KCTD8: variants seen among roughly 807,000 people sequenced by gnomAD.
KCTD8 encodes BTB/POZ domain-containing protein KCTD8.
A neutral mutation model predicts 31.5 loss-of-function variants in KCTD8; 27 were observed. The ratio of observed to expected loss-of-function variants is 0.86; its 90% CI spans 0.63 to 1.18. The LOEUF (loss-of-function observed/expected upper bound fraction) is 1.18, where lower values mean the gene tolerates loss of function less well. KCTD8 is among the 50% of genes most tolerant of loss of function. The pLI, the probability that KCTD8 is intolerant of heterozygous loss-of-function variation, is 0.00. For synonymous variants in KCTD8, 290 were observed against 280.0 expected, an observed-to-expected ratio of 1.04 and a Z score of -0.36; for missense variants, 658 against 647.7, an observed-to-expected ratio of 1.02 and a Z score of -0.17.
intron 1 of KCTD8, among the ~76,000 whole-genome samples, chr4:44,183,506 G>T (rs1713489314): frequency 1.3e-5 from 2 of 152,020 alleles, no homozygotes; most frequent in Non-Finnish European, 2.9e-5. Context: ...CAGCAAAACA[G>T]GGCTTTTGAT....
chr4:44,198,066 A>T (rs1713999216), intron 1 of KCTD8, among the ~76,000 whole-genome samples: 1 of 152,200 alleles, frequency 6.6e-6, no homozygotes, highest in African/African-American at 2.4e-5. Flanking sequence ...GAGCTCAAAG[A>T]CTGGTTCTTC....
intron 1 of KCTD8, among the ~76,000 whole-genome samples, chr4:44,371,479 T>C (rs2109436655): frequency 6.6e-6 from 1 of 152,240 alleles, no homozygotes; most frequent in Middle Eastern, 3.4e-3. Context: ...CAGAGTAATG[T>C]CCAATAAGTG....
intron 1 of KCTD8, among the ~76,000 whole-genome samples, chr4:44,236,408 A>T (rs1294298233): frequency 6.6e-6 from 1 of 152,152 alleles, no homozygotes; most frequent in South Asian, 2.1e-4. Flanking sequence ...AAAAGCAACA[A>T]GAGTCAGATG....
chr4:44,427,490 C>A (rs1397922870), intron 1 of KCTD8, among the ~76,000 whole-genome samples: 1 of 143,124 alleles, frequency 7.0e-6, no homozygotes. Context: ...AATTAACAGG[C>A]AAACTATTGA....
intron 1 of KCTD8, among the ~76,000 whole-genome samples, chr4:44,191,390 T>C (rs1260550319): frequency 2.0e-5 from 3 of 152,172 alleles, no homozygotes; most frequent in African/African-American, 7.2e-5. Flanking sequence ...ACAACGATTT[T>C]AAGGAACAAG....
intron 1 of KCTD8, among the ~76,000 whole-genome samples, chr4:44,242,993 C>G (rs1430534495): frequency 6.6e-6 from 1 of 152,182 alleles, no homozygotes; most frequent in East Asian, 1.9e-4. Context: ...CCTTACAAAG[C>G]ACCCAGCCTC....
intron 1 of KCTD8, among the ~76,000 whole-genome samples, chr4:44,444,372 A>T (rs1721887830): frequency 6.6e-6 from 1 of 152,208 alleles, no homozygotes; most frequent in Admixed American, 6.5e-5. Context: ...TCAAAGAAAG[A>T]AATTAGTTAT....
At chr4:44,215,532 A>C (rs1714623090) in intron 1 of KCTD8, among the ~76,000 whole-genome samples, 1 of 152,164 alleles carries the variant, frequency 6.6e-6, no homozygotes, top group Non-Finnish European at 1.5e-5. Context: ...AAGGCATTTA[A>C]ATTTCACATT....
intron 1 of KCTD8, among the ~76,000 whole-genome samples, chr4:44,248,127 C>T (rs897902022): frequency 6.6e-6 from 1 of 151,868 alleles, no homozygotes; most frequent in African/African-American, 2.4e-5. Flanking sequence ...CAATAATTTT[C>T]ATATGCTCTT....
chr4:44,188,137 T>C (rs778588192), intron 1 of KCTD8, among the ~76,000 whole-genome samples: 1 of 152,210 alleles, frequency 6.6e-6, no homozygotes, highest in Non-Finnish European at 1.5e-5. Flanking sequence ...TGCCAATAAA[T>C]GTTTTCAAGT....
At chr4:44,257,368 A>G (rs1716019773) in intron 1 of KCTD8, among the ~76,000 whole-genome samples, 1 of 152,032 alleles carries the variant, frequency 6.6e-6, no homozygotes, top group African/African-American at 2.4e-5. Flanking sequence ...GTTAATCGAA[A>G]ATATTAACTA....
At chr4:44,355,522 GCA>G (rs1719320683) in intron 1 of KCTD8, among the ~76,000 whole-genome samples, 1 of 152,078 alleles carries the variant, frequency 6.6e-6, no homozygotes, top group South Asian at 2.1e-4. Flanking sequence ...GTAGTTTTAT[GCA>G]TAATTTTAAA....
chr4:44,214,330 A>C (rs1714582777), intron 1 of KCTD8, among the ~76,000 whole-genome samples: 1 of 152,170 alleles, frequency 6.6e-6, no homozygotes, highest in Non-Finnish European at 1.5e-5. Context: ...TAAACTCTTT[A>C]GCTCCTGCTT....
At chr4:44,275,379 G>A (rs555092294) in intron 1 of KCTD8, among the ~76,000 whole-genome samples, 5 of 150,782 alleles carry the variant, frequency 3.3e-5, no homozygotes, top group Admixed American at 2.7e-4. Context: ...TGTCCCTCCC[G>A]CCCTCTCTCC....
chr4:44,197,324 C>T (rs965014347), intron 1 of KCTD8, among the ~76,000 whole-genome samples: 4 of 152,078 alleles, frequency 2.6e-5, no homozygotes, highest in African/African-American at 7.2e-5. Context: ...CTGGCCCCTG[C>T]CTGAGGGAGC....
At chr4:44,373,211 A>C (rs532969937) in intron 1 of KCTD8, among the ~76,000 whole-genome samples, 7 of 152,102 alleles carry the variant, frequency 4.6e-5, no homozygotes, top group Non-Finnish European at 1.0e-4. Context: ...AAATACAAAA[A>C]TTAGCCAGGT....
chr4:44,273,164 A>T (rs2109373745), intron 1 of KCTD8, among the ~76,000 whole-genome samples: 1 of 152,178 alleles, frequency 6.6e-6, no homozygotes, highest in South Asian at 2.1e-4. Flanking sequence ...AGTAAAAAAA[A>T]TCAAACATTG....
chr4:44,247,940 A>AGAAC (rs1323976509), intron 1 of KCTD8, among the ~76,000 whole-genome samples: 4 of 151,992 alleles, frequency 2.6e-5, no homozygotes, highest in Non-Finnish European at 5.9e-5. Flanking sequence ...AATTAAAAAT[A>AGAAC]GAACTACTAT....
chr4:44,318,198 T>C (rs534345685), intron 1 of KCTD8, among the ~76,000 whole-genome samples: 21 of 152,354 alleles, frequency 1.4e-4, no homozygotes, highest in South Asian at 4.1e-4. Flanking sequence ...TTTGTTTATG[T>C]TTATTATCAT....
Sources: gnomAD v4.1 joint callset for allele counts (sites outside exome capture counted in the v4.1 genomes callset) on GRCh38, gnomAD v4.1.1 for gene constraint, MANE v1.5 for transcripts, NCBI Gene and HGNC (gene_info 2026-07-23, HGNC 2026-07-21) for gene names.